Variants in ADGRL2 observed in about 807,000 individuals in gnomAD.
The protein encoded by ADGRL2 is calcium-independent alpha-latrotoxin receptor 2.
A neutral mutation model predicts 157.4 loss-of-function variants in ADGRL2; 44 were observed. The observed-to-expected ratio is 0.28, with a 90% CI of 0.22 to 0.36. The LOEUF is 0.36. Ranked by LOEUF, ADGRL2 falls within the 10% of genes least tolerant of loss-of-function variation. ADGRL2 has a pLI of 1.00. For missense variants in ADGRL2, 1,510 were observed against 1,768.9 expected, an observed-to-expected ratio of 0.85 and a Z score of 2.63; for synonymous variants, 585 against 624.7, an observed-to-expected ratio of 0.94 and a Z score of 0.95.
At chr1:81,645,411 A>T (rs1557532203) in intron 3 of ADGRL2, among the ~76,000 whole-genome samples, 2 of 151,592 alleles carry the variant, frequency 1.3e-5, no homozygotes, top group Non-Finnish European at 2.9e-5. Flanking sequence ...AAAAAAAAAA[A>T]AAAAAAAATT....
rs944159015 is a variant in ADGRL2, at chr1:81,551,884, A to G, written c.-247-28992A>G. ...GGAAAACTTATGGAAAATAGATCCC[A>G]TGAATTGAAATACTCCCCGGATTAA... On this transcript the variant is annotated intron_variant, in intron 2 of 24. Coordinates refer to the ADGRL2 transcript ENST00000370721. 8.5e-5 allele frequency among the ~76,000 whole-genome samples: 13 copies of G among 152,200 alleles called. No homozygotes were observed. The East Asian group carries it at 9.6e-4, about 11-fold the overall frequency.
intron 2 of ADGRL2, among the ~76,000 whole-genome samples, chr1:81,789,269 A>G (rs1381911560): frequency 6.6e-6 from 1 of 152,206 alleles, no homozygotes; most frequent in Non-Finnish European, 1.5e-5. Context: ...AAGTAAACCA[A>G]CAAATACAGT....
At position 81,943,653 on chromosome 1, in the gene ADGRL2, A is replaced by G. The variant is rs147030277; in HGVS notation, c.1094A>G (p.Gln365Arg). 2,056 of 1,613,630 alleles carry G rather than the reference A, an allele frequency of 1.3e-3. 6 individuals are homozygous for G. Among genetic ancestry groups the G allele is most frequent in the Middle Eastern group, 4.8e-3 (29 of 6,062 alleles). The change falls in exon 6 of 24, where the codon CAG becomes CGG. Residue 365 changes from glutamine (Q) to arginine (R), a missense_variant. Transcript: ENST00000686636. The surrounding 1 kb of genome is among the most constrained non-coding windows in gnomAD (Gnocchi z 5.6). The stretch of plus-strand genomic sequence containing the variant: ...TATGTAGATGTTCCCTTCCCCAACC[A>G]GTATCAGTATATTGCTGCAGTGGAT... ...GEYVDVPFPNQYQYIAAVDYN... is the reference protein window; with the variant it reads ...GEYVDVPFPNRYQYIAAVDYN...
intron 1 of ADGRL2, among the ~76,000 whole-genome samples, chr1:81,356,336 A>G (rs1271555983): frequency 1.3e-5 from 2 of 152,370 alleles, no homozygotes; most frequent in African/African-American, 4.8e-5. Flanking sequence ...TCACATAAAA[A>G]AGATGTGGAT....
At chr1:81,571,399 A>ATATATATG (rs1009201218) in intron 2 of ADGRL2, among the ~76,000 whole-genome samples, 2 of 147,826 alleles carry the variant, frequency 1.4e-5, no homozygotes, top group Non-Finnish European at 3.0e-5. Flanking sequence ...ATGTGTATGT[A>ATATATATG]TATATATGTA....
chr1:81,960,926 A>G (rs1572382282), intron 11 of ADGRL2, among the ~76,000 whole-genome samples: 1 of 152,268 alleles, frequency 6.6e-6, no homozygotes, highest in East Asian at 1.9e-4. Flanking sequence ...GCTGGACTTC[A>G]GCTCTGCTTC....
At chr1:81,444,353 C>T (rs2077562492) in intron 1 of ADGRL2, among the ~76,000 whole-genome samples, 1 of 152,148 alleles carries the variant, frequency 6.6e-6, no homozygotes, top group Admixed American at 6.5e-5. Context: ...GGGATATAAT[C>T]ACCTAACAGG....
rs149839431 is a variant in ADGRL2 at position 81,986,732 on chromosome 1, C to A, written c.3509-169C>A. Among the ~76,000 whole-genome samples, 701 of 152,114 alleles carry A rather than the reference C, an allele frequency of 4.6e-3. 2 individuals carry two copies. The highest frequency in any genetic ancestry group is 0.016 in the African/African-American group (674 of 41,536). On this transcript the variant is annotated intron_variant, in intron 21 of 23. Coordinates refer to ENST00000686636, the MANE Select transcript of ADGRL2 (RefSeq NM_001366006.2). Reference sequence around the variant, plus strand: ...TAACTTCCCTCTCCCTTCTCTCCTGCAAATTAGTAGTTCAAATACAGTCAG... The same window carrying A: ...TAACTTCCCTCTCCCTTCTCTCCTGAAAATTAGTAGTTCAAATACAGTCAG...
At chr1:81,329,217 C>T (rs1370779780) in intron 1 of ADGRL2, among the ~76,000 whole-genome samples, 1 of 152,024 alleles carries the variant, frequency 6.6e-6, no homozygotes, top group Admixed American at 6.6e-5. Flanking sequence ...CTTTTCCAAA[C>T]AATAGGAAGG....
chr1:81,752,253 GT>G (rs1260042718), intron 1 of ADGRL2, among the ~76,000 whole-genome samples: 2 of 152,200 alleles, frequency 1.3e-5, no homozygotes, highest in Non-Finnish European at 2.9e-5. Flanking sequence ...GACATTGAAT[GT>G]GCAGGCAATT....
intron 2 of ADGRL2, among the ~76,000 whole-genome samples, chr1:81,496,102 T>C (rs1382056478): frequency 1.3e-5 from 2 of 152,182 alleles, no homozygotes; most frequent in African/African-American, 4.8e-5. Flanking sequence ...AATGCCATCA[T>C]TGATTAGACC....
At chr1:81,309,696 T>A (rs985402584) in intron 1 of ADGRL2, among the ~76,000 whole-genome samples, 1 of 152,208 alleles carries the variant, frequency 6.6e-6, no homozygotes, top group African/African-American at 2.4e-5. Flanking sequence ...GAATGGTTAC[T>A]CTTACAGAAC....
At chr1:81,696,519 G>A (rs1490424462), upstream of ADGRL2, among the ~76,000 whole-genome samples, 1 of 152,144 alleles carries the variant, frequency 6.6e-6, no homozygotes, top group Admixed American at 6.5e-5. Context: ...TTGGGAGGCT[G>A]AGGCGGGCGG....
At chr1:81,782,549 A>T (rs2086859808) in intron 2 of ADGRL2, among the ~76,000 whole-genome samples, 1 of 152,182 alleles carries the variant, frequency 6.6e-6, no homozygotes, top group African/African-American at 2.4e-5. Flanking sequence ...TTCAAAGTTT[A>T]CCATTTTTCC....
chr1:81,475,758 CAA>C (rs962866495), intron 2 of ADGRL2, among the ~76,000 whole-genome samples: 2 of 152,050 alleles, frequency 1.3e-5, no homozygotes, highest in African/African-American at 2.4e-5. Context: ...AGAAAAGACA[CAA>C]AGAGTAGGGA....
At chr1:81,436,044 G>A (rs530787128) in intron 1 of ADGRL2, among the ~76,000 whole-genome samples, 228 of 152,220 alleles carry the variant, frequency 1.5e-3, no homozygotes, top group African/African-American at 5.0e-3. Flanking sequence ...GCGGTGAGCC[G>A]AGATCACGCC....
intron 3 of ADGRL2, among the ~76,000 whole-genome samples, chr1:81,608,144 T>C (rs1216936188): frequency 2.0e-5 from 3 of 152,186 alleles, no homozygotes; most frequent in Non-Finnish European, 4.4e-5. Flanking sequence ...CACGTTCATA[T>C]CTGATTTTCA....
At chr1:81,680,376 G>A (rs2083085362) in intron 3 of ADGRL2, among the ~76,000 whole-genome samples, 1 of 152,148 alleles carries the variant, frequency 6.6e-6, no homozygotes, top group African/African-American at 2.4e-5. Flanking sequence ...TTCCAGCAAT[G>A]TTCATTTCAT....
intron 2 of ADGRL2, among the ~76,000 whole-genome samples, chr1:81,869,357 G>A (rs1179041035): frequency 1.3e-5 from 2 of 151,898 alleles, no homozygotes. Context: ...CTTAAAAAAA[G>A]AGACTGGAAG....
Sources: allele counts gnomAD v4.1 joint callset (sites outside exome capture counted in the v4.1 genomes callset), GRCh38; gene constraint gnomAD v4.1.1; non-coding constraint Gnocchi (gnomAD v3.1); transcripts MANE v1.5; gene names NCBI Gene and HGNC (gene_info 2026-07-23, HGNC 2026-07-21).